SIRPG: variants seen among roughly 807,000 people sequenced by gnomAD.
SIRPG encodes signal-regulatory protein gamma.
SIRPG carries 38 observed loss-of-function variants against 35.7 expected under a neutral mutation model. The observed-to-expected ratio is 1.06, with a 90% CI of 0.82 to 1.40. SIRPG has a LOEUF of 1.40. Among genes scored for constraint, SIRPG ranks in the 40% most tolerant of loss-of-function variants. The pLI, the probability that SIRPG is intolerant of heterozygous loss-of-function variation, is 0.00. For missense variants in SIRPG, 519 were observed against 483.0 expected (o/e 1.07, Z -0.70); for synonymous variants, 215 against 190.4 (o/e 1.13, Z -1.06).
chr20:1,650,000 G>GTATATATATATATATATA (rs1491226682), intron 1 of SIRPG, among the ~76,000 whole-genome samples: 2 of 85,412 alleles, frequency 2.3e-5, no homozygotes, highest in African/African-American at 9.6e-5. Flanking sequence ...CTACTTTGAA[G>GTATATATATATATATATA]TGTGTATATA....
intron 2 of SIRPG, among the ~76,000 whole-genome samples, chr20:1,638,651 A>G (rs2091823896): frequency 6.6e-6 from 1 of 152,154 alleles, no homozygotes; most frequent in African/African-American, 2.4e-5. Context: ...AGTGCAGAAT[A>G]TGCAGGTTTG....
Position 1,643,570 on chromosome 20 carries a change from G to A in SIRPG, c.430+5482C>T, listed in dbSNP as rs191884740. 1.8e-3 allele frequency among the ~76,000 whole-genome samples: 277 copies of A among 152,252 alleles called. 2 individuals carry two copies. The highest frequency in any genetic ancestry group is 6.3e-3 in the African/African-American group (262 of 41,538). On this transcript the variant is annotated intron_variant, in intron 2 of 5. Coordinates refer to ENST00000303415, the MANE Select transcript of SIRPG (RefSeq NM_018556.4). ...TACTCACCTTCTGAAGCCTACTTCC[G>A]TCAATTCGTCCATTTCCTCCTTTGT... is the stretch of plus-strand genomic sequence containing the variant.
At chr20:1,640,752 A>G (rs1370730103) in intron 2 of SIRPG, among the ~76,000 whole-genome samples, 1 of 152,138 alleles carries the variant, frequency 6.6e-6, no homozygotes, top group African/African-American at 2.4e-5. Context: ...GGGTTGTCAT[A>G]AATAGTTCTT....
At chr20:1,673,085 A>G in the SIRPG span, among the ~76,000 whole-genome samples, 2 of 152,246 alleles carry the variant, frequency 1.3e-5, no homozygotes, top group Non-Finnish European at 2.9e-5. Flanking sequence ...AACAATCACC[A>G]GGAAGCATAT....
chr20:1,679,070 T>C, the SIRPG span, among the ~76,000 whole-genome samples: 1 of 152,246 alleles, frequency 6.6e-6, no homozygotes, highest in East Asian at 1.9e-4. Context: ...TAGCACGATG[T>C]CTCCAGGCCC....
At chr20:1,650,758 GAAGA>G (rs1215557802) in intron 1 of SIRPG, among the ~76,000 whole-genome samples, 1 of 152,164 alleles carries the variant, frequency 6.6e-6, no homozygotes, top group East Asian at 1.9e-4. Flanking sequence ...TAAAGACACT[GAAGA>G]AATGCAAGTT....
intron 4 of SIRPG, among the ~76,000 whole-genome samples, chr20:1,631,519 T>C (rs1160618660): frequency 2.0e-5 from 3 of 152,216 alleles, no homozygotes; most frequent in Non-Finnish European, 2.9e-5. Context: ...CAGTCCTGCC[T>C]CCCCATTTCC....
chr20:1,683,985 G>C, the SIRPG span, among the ~76,000 whole-genome samples: 1 of 151,582 alleles, frequency 6.6e-6, no homozygotes, highest in East Asian at 1.9e-4. Context: ...AAAAAAAGAA[G>C]TAGAGACTAG....
intron 2 of SIRPG, among the ~76,000 whole-genome samples, chr20:1,641,666 T>A (rs914548454): frequency 2.6e-5 from 4 of 152,224 alleles, no homozygotes; most frequent in African/African-American, 9.6e-5. Flanking sequence ...CTTCTCTAGA[T>A]CTTTTAATTG....
At chr20:1,649,632 T>G (rs2091925349) in intron 1 of SIRPG, among the ~76,000 whole-genome samples, 1 of 51,602 alleles carries the variant, frequency 1.9e-5, no homozygotes, top group African/African-American at 6.5e-5. Flanking sequence ...AGAGGTTCTT[T>G]TTTTTTTTTT....
At chr20:1,672,383 C>T in the SIRPG span, among the ~76,000 whole-genome samples, 1 of 152,092 alleles carries the variant, frequency 6.6e-6, no homozygotes, top group African/African-American at 2.4e-5. Flanking sequence ...GTAATTAAGG[C>T]TAAAGCTTTA....
intron 2 of SIRPG, among the ~76,000 whole-genome samples, chr20:1,636,931 T>C (rs947326343): frequency 6.6e-6 from 1 of 152,052 alleles, no homozygotes; most frequent in Middle Eastern, 3.2e-3. Context: ...CCATGAGACC[T>C]GCAACCAGGC....
chr20:1,660,510 A>G (rs74879253), upstream of SIRPG, among the ~76,000 whole-genome samples: 1,065 of 152,350 alleles, frequency 7.0e-3, 6 homozygotes, highest in Non-Finnish European at 0.011. Context: ...TCAAAAATGC[A>G]TAGTATAGTG....
chr20:1,671,220 C>T, the SIRPG span: 2 of 248,606 alleles, frequency 8.0e-6, no homozygotes, highest in Non-Finnish European at 8.7e-6. Context: ...CATCGATAAA[C>T]AGGAGACATG....
intron 4 of SIRPG, 132 bp from the exon 5 acceptor site, chr20:1,630,438 C>G (rs1425776524): frequency 1.1e-5 from 7 of 658,658 alleles, no homozygotes; most frequent in African/African-American, 3.7e-5. Flanking sequence ...CCTGCCCAGG[C>G]TATCTTCACT....
At chr20:1,637,310 G>A (rs921349225) in intron 2 of SIRPG, 2 of 227,646 alleles carry the variant, frequency 8.8e-6, no homozygotes, top group Non-Finnish European at 1.8e-5. Flanking sequence ...CAAGCCACAG[G>A]ATGTTGCTGT....
chr20:1,652,845 C>T (rs749869668), intron 1 of SIRPG, among the ~76,000 whole-genome samples: 1 of 152,162 alleles, frequency 6.6e-6, no homozygotes, highest in Non-Finnish European at 1.5e-5. Context: ...AGGGCAATTA[C>T]TTTTTCTCTT....
intron 1 of SIRPG, 57 bp from the exon 2 acceptor site, chr20:1,649,465 C>T: frequency 2.0e-6 from 3 of 1,469,062 alleles, no homozygotes; most frequent in South Asian, 2.6e-5. Context: ...TGTATTTCCT[C>T]ATGTTTATCA....
At chr20:1,656,376 T>C (rs911746587) in intron 1 of SIRPG, among the ~76,000 whole-genome samples, 5 of 152,198 alleles carry the variant, frequency 3.3e-5, no homozygotes, top group African/African-American at 4.8e-5. Flanking sequence ...CTGTGAGGAT[T>C]AGTTGACTTA....
Sources: allele counts gnomAD v4.1 joint callset (sites outside exome capture counted in the v4.1 genomes callset), GRCh38; gene constraint gnomAD v4.1.1; transcripts MANE v1.5; gene names NCBI Gene and HGNC (gene_info 2026-07-23, HGNC 2026-07-21).